Variants in C1QTNF3 observed in about 807,000 individuals in gnomAD.
The protein encoded by C1QTNF3 is complement C1q tumor necrosis factor-related protein 3.
In C1QTNF3, 26 loss-of-function variants were observed where a neutral mutation model predicts 32.6. That is an observed-to-expected ratio of 0.80 (90% CI 0.58 to 1.11). The LOEUF (loss-of-function observed/expected upper bound fraction) is 1.11. C1QTNF3 is among the 50% of genes least tolerant of loss of function. C1QTNF3 has a pLI of 0.00. For missense variants in C1QTNF3, 362 were observed against 398.2 expected (o/e 0.91, Z 0.77); for synonymous variants, 155 against 146.0 (o/e 1.06, Z -0.44).
chr5:34,213,809 A>ATATATATATATATATT, the C1QTNF3 span, among the ~76,000 whole-genome samples: 2 of 4,940 alleles, frequency 4.0e-4, no homozygotes, highest in East Asian at 0.019. Flanking sequence ...ATATATATAT[A>ATATATATATATATATT]TTTTTTTTTT....
chr5:34,064,104 G>A, the C1QTNF3 span, among the ~76,000 whole-genome samples: 1 of 152,126 alleles, frequency 6.6e-6, no homozygotes, highest in Non-Finnish European at 1.5e-5. Flanking sequence ...AGGGTTGGGG[G>A]TTGTTAGAAA....
At chr5:34,131,944 C>A in the C1QTNF3 span, among the ~76,000 whole-genome samples, 2 of 151,962 alleles carry the variant, frequency 1.3e-5, no homozygotes, top group Non-Finnish European at 2.9e-5. Flanking sequence ...AAATACAAAA[C>A]ATTAAATAAC....
the C1QTNF3 span, among the ~76,000 whole-genome samples, chr5:34,053,590 C>A: frequency 6.6e-6 from 1 of 152,202 alleles, no homozygotes; most frequent in Non-Finnish European, 1.5e-5. Context: ...AGTTTTTATG[C>A]ACCTAACCGG....
chr5:34,215,007 T>G, the C1QTNF3 span, among the ~76,000 whole-genome samples: 2 of 152,164 alleles, frequency 1.3e-5, no homozygotes, highest in African/African-American at 4.8e-5. Flanking sequence ...AAAATTATGT[T>G]TTGCTACCCT....
At chr5:34,065,251 C>G in the C1QTNF3 span, among the ~76,000 whole-genome samples, 2 of 152,108 alleles carry the variant, frequency 1.3e-5, no homozygotes, top group Non-Finnish European at 2.9e-5. Context: ...AGACACTTCT[C>G]AAAAGAAGAC....
At chr5:34,092,811 C>CT in the C1QTNF3 span, among the ~76,000 whole-genome samples, 7 of 151,936 alleles carry the variant, frequency 4.6e-5, no homozygotes, top group Non-Finnish European at 1.0e-4. Flanking sequence ...TCATGTCACA[C>CT]TTTTCTCTCT....
the C1QTNF3 span, among the ~76,000 whole-genome samples, chr5:34,177,660 T>A: frequency 6.6e-6 from 1 of 151,492 alleles, no homozygotes; most frequent in Middle Eastern, 3.4e-3. Flanking sequence ...CTAATTTCTG[T>A]GTTTTCTTAG....
the C1QTNF3 span, among the ~76,000 whole-genome samples, chr5:34,114,832 T>C: frequency 6.6e-6 from 1 of 152,146 alleles, no homozygotes; most frequent in East Asian, 1.9e-4. Context: ...GTGTCTTAAT[T>C]TCATCACTTT....
the C1QTNF3 span, chr5:34,166,774 T>G: frequency 2.2e-5 from 3 of 138,930 alleles, no homozygotes; most frequent in African/African-American, 7.4e-5. Context: ...TGAATTACAC[T>G]TCTGATGATC....
the C1QTNF3 span, among the ~76,000 whole-genome samples, chr5:34,182,246 T>A: frequency 9.2e-5 from 14 of 151,888 alleles, no homozygotes; most frequent in African/African-American, 3.4e-4. Flanking sequence ...CTCCAACTCC[T>A]GGCCTAAAGT....
chr5:34,124,457 A>T, the C1QTNF3 span: 1 of 716,582 alleles, frequency 1.4e-6, no homozygotes, highest in Non-Finnish European at 2.6e-6. Flanking sequence ...TAGTCATGGC[A>T]GAAAGTGAGG....
At chr5:34,101,030 C>T in the C1QTNF3 span, among the ~76,000 whole-genome samples, 4 of 150,812 alleles carry the variant, frequency 2.7e-5, no homozygotes, top group East Asian at 7.8e-4. Context: ...AATATGCCAT[C>T]TAGACATTGG....
chr5:34,193,824 C>G, the C1QTNF3 span, among the ~76,000 whole-genome samples: 505 of 150,350 alleles, frequency 3.4e-3, no homozygotes, highest in African/African-American at 0.012. Flanking sequence ...CAAATATTGG[C>G]AAGCACTAAA....
the C1QTNF3 span, among the ~76,000 whole-genome samples, chr5:34,145,738 AGC>A: frequency 6.6e-6 from 1 of 151,856 alleles, no homozygotes; most frequent in African/African-American, 2.4e-5. Flanking sequence ...TGATGAACAT[AGC>A]CATAAAAATA....
the C1QTNF3 span, among the ~76,000 whole-genome samples, chr5:34,223,661 C>G: frequency 6.6e-6 from 1 of 151,976 alleles, no homozygotes. Flanking sequence ...TCCTATTTCT[C>G]CACATCCTCT....
the C1QTNF3 span, among the ~76,000 whole-genome samples, chr5:34,156,521 CTAAT>C: frequency 6.6e-6 from 1 of 152,210 alleles, no homozygotes; most frequent in Non-Finnish European, 1.5e-5. Context: ...ATGTGGTTAA[CTAAT>C]TACTCTCCCA....
chr5:34,117,399 C>G, the C1QTNF3 span, among the ~76,000 whole-genome samples: 1 of 152,144 alleles, frequency 6.6e-6, no homozygotes, highest in African/African-American at 2.4e-5. Context: ...TCCTCCCCTC[C>G]TTTTTGTGTG....
At chr5:34,203,066 T>C in the C1QTNF3 span, among the ~76,000 whole-genome samples, 6 of 152,304 alleles carry the variant, frequency 3.9e-5, no homozygotes, top group Admixed American at 2.6e-4. Context: ...ACGAGTCCTA[T>C]GAGAAATACT....
chr5:34,177,133 G>C, the C1QTNF3 span, among the ~76,000 whole-genome samples: 1 of 152,082 alleles, frequency 6.6e-6, no homozygotes, highest in Non-Finnish European at 1.5e-5. Context: ...GTTGAGCAGT[G>C]AGCTGTGATT....
Sources: allele counts gnomAD v4.1 joint callset (sites outside exome capture counted in the v4.1 genomes callset), GRCh38; gene constraint gnomAD v4.1.1; transcripts MANE v1.5; gene names NCBI Gene and HGNC (gene_info 2026-07-23, HGNC 2026-07-21).